EGFLAM: variants seen among roughly 807,000 people sequenced by gnomAD.
The protein encoded by EGFLAM is EGF like, fibronectin type III and laminin G domains.
A neutral mutation model predicts 113.1 loss-of-function variants in EGFLAM; 79 were observed. The ratio of observed to expected loss-of-function variants is 0.70; its 90% CI spans 0.58 to 0.84. The LOEUF (loss-of-function observed/expected upper bound fraction) is 0.84. Ranked by LOEUF, EGFLAM falls within the 40% of genes least tolerant of loss-of-function variation. EGFLAM has a pLI of 0.00. For missense variants in EGFLAM, 1,265 were observed against 1,291.6 expected (o/e 0.98, Z 0.32); for synonymous variants, 504 against 487.6 (o/e 1.03, Z -0.44).
At chr5:38,399,250 C>G (rs920236262) in intron 6 of EGFLAM, among the ~76,000 whole-genome samples, 1 of 150,574 alleles carries the variant, frequency 6.6e-6, no homozygotes. Context: ...CTCCTCCCTC[C>G]CCAGGTTCTT....
chr5:38,321,006 G>A (rs1187214605), intron 1 of EGFLAM, among the ~76,000 whole-genome samples: 1 of 152,092 alleles, frequency 6.6e-6, no homozygotes, highest in Non-Finnish European at 1.5e-5. Context: ...ATGGATGAGG[G>A]TGGGAGGTGG....
At chr5:38,297,586 A>G (rs1758477385) in intron 1 of EGFLAM, among the ~76,000 whole-genome samples, 1 of 152,214 alleles carries the variant, frequency 6.6e-6, no homozygotes, top group Admixed American at 6.5e-5. Flanking sequence ...GGTTATATGA[A>G]GACTAAATCA....
chr5:38,455,056 A>G (rs1743043913), intron 19 of EGFLAM, among the ~76,000 whole-genome samples: 1 of 152,158 alleles, frequency 6.6e-6, no homozygotes, highest in Non-Finnish European at 1.5e-5. Flanking sequence ...GTTTGTGAAC[A>G]TTGCTTGACT....
rs1741311061 is a variant in EGFLAM at position 38,407,054 on chromosome 5, G to A, written c.1055G>A (p.Cys352Tyr). 1.2e-6 allele frequency: 2 copies of A among 1,614,020 alleles called. No individual in the cohort carries two copies. Among genetic ancestry groups the A allele is most frequent in the African/African-American group, 1.3e-5 (1 of 74,906 alleles). The change falls in exon 8 of 22, where the codon TGC becomes TAC. Residue 352 changes from cysteine to tyrosine, a missense_variant. Cys to Tyr is a radical substitution (Grantham distance 194, BLOSUM62 -2). Coordinates refer to ENST00000322350, the MANE Select transcript of EGFLAM (RefSeq NM_152403.4). ...LFDMPCDETL[C>Y]SADSFCVNDY... ...GACATGCCTTGTGATGAAACTCTCT[G>A]CTCTGCTGACAGCTTCTGTGTCAAT...
chr5:38,417,347 C>CAAAAAAAAAAAAA (rs752613827), intron 11 of EGFLAM, among the ~76,000 whole-genome samples: 9 of 78,476 alleles, frequency 1.1e-4, no homozygotes, highest in Admixed American at 1.9e-4. Flanking sequence ...GACTCTGTCT[C>CAAAAAAAAAAAAA]AAAAAAAAAA....
At chr5:38,310,893 C>T (rs757387421) in intron 1 of EGFLAM, among the ~76,000 whole-genome samples, 6 of 152,090 alleles carry the variant, frequency 3.9e-5, no homozygotes, top group African/African-American at 7.2e-5. Context: ...CTGAGGGTGA[C>T]ACTTTGGCTA....
chr5:38,265,055 G>A (rs995440831), intron 1 of EGFLAM, among the ~76,000 whole-genome samples: 1 of 152,190 alleles, frequency 6.6e-6, no homozygotes, highest in Admixed American at 6.5e-5. Context: ...AGGAGTCAAG[G>A]TCAGGAGTAA....
At position 38,386,238 on chromosome 5, in the gene EGFLAM, C is replaced by T. The variant is rs1055837465; in HGVS notation, c.712+15776C>T. ...AATACTTTGTTGTTGTTGTTGTTGC[C>T]CAGGCTGGAGTGCAATGGCGCCATC... On this transcript the variant is annotated intron_variant, in intron 6 of 21. Transcript: ENST00000322350. 2.6e-5 allele frequency among the ~76,000 whole-genome samples: 4 copies of T among 152,156 alleles called. No individual in the cohort carries two copies. In the South Asian group the frequency reaches 6.2e-4, roughly 24 times the overall value.
intron 1 of EGFLAM, among the ~76,000 whole-genome samples, chr5:38,305,881 C>G (rs551823068): frequency 1.3e-5 from 2 of 152,266 alleles, no homozygotes; most frequent in East Asian, 1.9e-4. Flanking sequence ...TTAGGTGTGT[C>G]CTGGCATCCT....
chr5:38,463,731 C>A, intron 21 of EGFLAM, 101 bp from the exon 22 acceptor site: 1 of 1,456,548 alleles, frequency 6.9e-7, no homozygotes, highest in Non-Finnish European at 9.4e-7. Flanking sequence ...CAAGGGATGC[C>A]TTGGCCAGCA....
intron 6 of EGFLAM, among the ~76,000 whole-genome samples, chr5:38,371,787 G>A (rs569598822): frequency 2.2e-4 from 34 of 152,292 alleles, no homozygotes; most frequent in Non-Finnish European, 3.1e-4. Flanking sequence ...TAGAAGAAAT[G>A]TTGATGATTC....
At chr5:38,417,347 CAAAAAAAAAAAA>C (rs752613827) in intron 11 of EGFLAM, among the ~76,000 whole-genome samples, 3 of 78,474 alleles carry the variant, frequency 3.8e-5, no homozygotes, top group Non-Finnish European at 6.7e-5. Context: ...GACTCTGTCT[CAAAAAAAAAAAA>C]AAAAAAAAAA....
chr5:38,366,397 G>A (rs1356894043), intron 5 of EGFLAM, among the ~76,000 whole-genome samples: 1 of 152,176 alleles, frequency 6.6e-6, no homozygotes, highest in African/African-American at 2.4e-5. Context: ...AGCTTATTAG[G>A]TTATAAACTC....
chr5:38,293,327 T>A (rs2111800618), intron 1 of EGFLAM, among the ~76,000 whole-genome samples: 1 of 152,332 alleles, frequency 6.6e-6, no homozygotes, highest in South Asian at 2.1e-4. Context: ...TTTTCTTGTT[T>A]GTAAAGTAAA....
intron 18 of EGFLAM, among the ~76,000 whole-genome samples, chr5:38,449,308 C>A (rs903893535): frequency 1.4e-4 from 21 of 152,192 alleles, no homozygotes; most frequent in Non-Finnish European, 5.9e-5. Flanking sequence ...GGGAGGAATT[C>A]TCCTAGGGCA....
chr5:38,292,727 G>A (rs62352434), intron 1 of EGFLAM, among the ~76,000 whole-genome samples: 6,131 of 152,262 alleles, frequency 0.04, 164 homozygotes, highest in Non-Finnish European at 0.053. Context: ...GATTGATCAG[G>A]GCTGGGGGTT....
intron 1 of EGFLAM, among the ~76,000 whole-genome samples, chr5:38,327,549 G>C (rs143033749): frequency 1.3e-5 from 2 of 152,224 alleles, no homozygotes; most frequent in Admixed American, 6.5e-5. Context: ...TGGCAATTGA[G>C]TATGCTTTTC....
intron 1 of EGFLAM, among the ~76,000 whole-genome samples, chr5:38,306,883 G>A (rs1467819989): frequency 6.6e-6 from 1 of 152,154 alleles, no homozygotes; most frequent in African/African-American, 2.4e-5. Context: ...TATACTGTGG[G>A]GAAGCTCAGT....
Position 38,337,632 on chromosome 5 carries a change from G to A in EGFLAM, c.207+3G>A, listed in dbSNP as rs748541066. On this transcript the variant is annotated splice_donor_region_variant and intron_variant, in intron 2 of 21. Transcript: ENST00000322350. ...GAAGTCCCATCCTTGGGTACACTGT[G>A]AGTACACGGGCATGGGAGTTTCCTC... The A allele has an allele frequency of 1.3e-6, 2 of 1,591,118 alleles. No individual in the cohort carries two copies. Among genetic ancestry groups the A allele is most frequent in the Non-Finnish European group, 1.7e-6 (2 of 1,166,556 alleles).
Sources: gnomAD v4.1 joint callset for allele counts (sites outside exome capture counted in the v4.1 genomes callset) on GRCh38, gnomAD v4.1.1 for gene constraint, MANE v1.5 for transcripts, NCBI Gene and HGNC (gene_info 2026-07-23, HGNC 2026-07-21) for gene names.